The following SLC24A2 variants were observed in gnomAD, a reference collection of about 807,000 sequenced individuals.
SLC24A2 encodes the protein sodium/potassium/calcium exchanger 2.
SLC24A2 carries 36 observed loss-of-function variants against 62.0 expected under a neutral mutation model. That is an observed-to-expected ratio of 0.58 (90% CI 0.44 to 0.77). The LOEUF (loss-of-function observed/expected upper bound fraction) is 0.77, where lower values mean the gene tolerates loss of function less well. Ranked by LOEUF, SLC24A2 falls within the 30% of genes least tolerant of loss-of-function variation. The probability of loss-of-function intolerance (pLI) is 0.00; values close to 1 mark genes in which losing one functional copy is unlikely to be tolerated. For missense variants in SLC24A2, 846 were observed against 817.9 expected, an observed-to-expected ratio of 1.03 and a Z score of -0.42; for synonymous variants, 358 against 294.0, an observed-to-expected ratio of 1.22 and a Z score of -2.23.
the SLC24A2 span, among the ~76,000 whole-genome samples, chr9:20,243,849 C>G: frequency 6.6e-6 from 1 of 152,050 alleles, no homozygotes; most frequent in Non-Finnish European, 1.5e-5. Flanking sequence ...TGGCTCCAGG[C>G]CAGTGTGACA....
At chr9:19,763,019 T>A (rs570071838) in intron 2 of SLC24A2, among the ~76,000 whole-genome samples, 15 of 152,284 alleles carry the variant, frequency 9.9e-5, no homozygotes, top group African/African-American at 3.6e-4. Flanking sequence ...ATAGTTCTCC[T>A]TGAGGTGGTC....
At chr9:20,126,993 A>G in the SLC24A2 span, among the ~76,000 whole-genome samples, 1 of 152,174 alleles carries the variant, frequency 6.6e-6, no homozygotes, top group Admixed American at 6.5e-5. Flanking sequence ...TTGTCAATTG[A>G]CATAAATTAA....
intron 4 of SLC24A2, among the ~76,000 whole-genome samples, chr9:19,615,365 T>C (rs996684076): frequency 2.6e-4 from 39 of 152,216 alleles, no homozygotes; most frequent in African/African-American, 8.9e-4. Flanking sequence ...TGCCATCAAC[T>C]TGGTGATGTA....
At position 19,599,531 on chromosome 9, in the gene SLC24A2, G is replaced by C. The variant is rs1836789899; in HGVS notation, c.1079-2252C>G. The stretch of plus-strand genomic sequence containing the variant: ...TACTGAAGAAAAGTCAGAAAAGAAT[G>C]GAGATGGAAACCAGCCTGCTAGAAT... On this transcript the variant is annotated intron_variant, in intron 4 of 10. Coordinates refer to ENST00000341998, the MANE Select transcript of SLC24A2 (RefSeq NM_020344.4). The surrounding 1 kb of genome is among the most constrained non-coding windows in gnomAD (Gnocchi z 4.5). 6.6e-6 allele frequency among the ~76,000 whole-genome samples: 1 copy of C among 152,148 alleles called. No individual in the cohort carries two copies. The highest frequency in any genetic ancestry group is 1.5e-5 in the Non-Finnish European group (1 of 68,030).
chr9:20,225,021 C>T, the SLC24A2 span, among the ~76,000 whole-genome samples: 1 of 152,086 alleles, frequency 6.6e-6, no homozygotes, highest in Non-Finnish European at 1.5e-5. Context: ...CAAGCTGAGG[C>T]AAGACCTCAG....
intron 2 of SLC24A2, among the ~76,000 whole-genome samples, chr9:19,684,690 A>G (rs1464507203): frequency 1.4e-5 from 2 of 146,122 alleles, no homozygotes; most frequent in East Asian, 2.2e-4. Context: ...GTAGGTATAT[A>G]AGAAACCTGG....
chr9:19,970,007 C>G, the SLC24A2 span, among the ~76,000 whole-genome samples: 1 of 152,086 alleles, frequency 6.6e-6, no homozygotes, highest in African/African-American at 2.4e-5. Flanking sequence ...ATTTCTGTGG[C>G]CTTGCTTCAC....
chr9:19,822,202 AATG>A, the SLC24A2 span, among the ~76,000 whole-genome samples: 2 of 152,174 alleles, frequency 1.3e-5, no homozygotes, highest in South Asian at 4.1e-4. Context: ...TGTTATTAAT[AATG>A]ATAGAATCAG....
chr9:19,873,632 A>G, the SLC24A2 span, among the ~76,000 whole-genome samples: 1 of 146,512 alleles, frequency 6.8e-6, no homozygotes. Context: ...TTCTTTCTCT[A>G]GAGACAGGGT....
At chr9:19,924,708 G>A in the SLC24A2 span, among the ~76,000 whole-genome samples, 2 of 152,282 alleles carry the variant, frequency 1.3e-5, no homozygotes, top group Admixed American at 1.3e-4. Flanking sequence ...GGCCCAGGGT[G>A]AATAAAGGAG....
At chr9:19,609,352 C>T (rs111346497) in intron 4 of SLC24A2, among the ~76,000 whole-genome samples, 1 of 152,206 alleles carries the variant, frequency 6.6e-6, no homozygotes, top group Non-Finnish European at 1.5e-5. Flanking sequence ...GCAGTGTGCC[C>T]CTCCAGGGCC....
chr9:20,130,175 T>A, the SLC24A2 span, among the ~76,000 whole-genome samples: 21 of 152,232 alleles, frequency 1.4e-4, no homozygotes, highest in South Asian at 4.3e-3. Context: ...CTTAAATATG[T>A]ACAAAACTCC....
At chr9:20,280,602 G>T in the SLC24A2 span, among the ~76,000 whole-genome samples, 1 of 152,260 alleles carries the variant, frequency 6.6e-6, no homozygotes, top group South Asian at 2.1e-4. Flanking sequence ...TTATGGTTTC[G>T]TTTTTGTTTT....
chr9:20,266,580 G>A, the SLC24A2 span, among the ~76,000 whole-genome samples: 3 of 151,858 alleles, frequency 2.0e-5, no homozygotes, highest in Non-Finnish European at 4.4e-5. Flanking sequence ...CCTAATAAAT[G>A]TTTCTTTCCA....
chr9:19,743,596 AAGAG>A (rs981364007), intron 2 of SLC24A2, among the ~76,000 whole-genome samples: 6 of 152,160 alleles, frequency 3.9e-5, no homozygotes, highest in African/African-American at 1.4e-4. Flanking sequence ...TATATTCAAA[AAGAG>A]AGAAAGATTT....
At chr9:19,904,781 A>G in the SLC24A2 span, among the ~76,000 whole-genome samples, 1 of 152,172 alleles carries the variant, frequency 6.6e-6, no homozygotes, top group African/African-American at 2.4e-5. Flanking sequence ...GAATGGATCC[A>G]CACTTCTTTT....
At chr9:20,235,317 C>G in the SLC24A2 span, among the ~76,000 whole-genome samples, 31 of 152,222 alleles carry the variant, frequency 2.0e-4, no homozygotes, top group Admixed American at 1.3e-4. Context: ...GTGCCCTGCC[C>G]CCAGAGGTGG....
chr9:20,135,005 G>A, the SLC24A2 span, among the ~76,000 whole-genome samples: 1 of 152,116 alleles, frequency 6.6e-6, no homozygotes, highest in African/African-American at 2.4e-5. Flanking sequence ...AAAATGTATA[G>A]TGCTGGTGGC....
chr9:19,617,177 AT>A (rs1475005192), intron 4 of SLC24A2, among the ~76,000 whole-genome samples: 2 of 152,146 alleles, frequency 1.3e-5, no homozygotes, highest in Non-Finnish European at 2.9e-5. Context: ...TTAAATTCGA[AT>A]AAGGAGCACA....
Sources: gnomAD v4.1 joint callset for allele counts (sites outside exome capture counted in the v4.1 genomes callset) on GRCh38, gnomAD v4.1.1 for gene constraint, Gnocchi (gnomAD v3.1) non-coding constraint, MANE v1.5 for transcripts, NCBI Gene and HGNC (gene_info 2026-07-23, HGNC 2026-07-21) for gene names.